The following PTPRCAP variants were observed in gnomAD, a reference collection of about 807,000 sequenced individuals.
The protein encoded by PTPRCAP is protein tyrosine phosphatase receptor type C associated protein, also known as protein tyrosine phosphatase receptor type C-associated protein.
For synonymous variants in PTPRCAP, 136 were observed against 135.8 expected (o/e 1.00, Z -0.01); for missense variants, 294 against 285.5 (o/e 1.03, Z -0.22).
At position 67,436,021 on chromosome 11, in the gene PTPRCAP, C is replaced by T. The variant is rs753383691; in HGVS notation, c.333G>A (p.Gln111=). ...DNDLERQEDE[Q]DTDYDHVADG... ...CCGCGACGTGGTCATAGTCTGTGTC[C>T]TGCTCATCCTCCTGTCGCTCAAGGT... Residue 111 remains glutamine, a synonymous_variant, in exon 2 of 2, where the codon CAG becomes CAA. Coordinates refer to ENST00000326294, the MANE Select transcript of PTPRCAP (RefSeq NM_005608.3). The T allele has an allele frequency of 2.2e-5, 36 of 1,613,590 alleles. 1 individual carries two copies. In the South Asian group the frequency reaches 4.0e-4, roughly 18 times the overall value.
chr11:67,435,740 G>T lies in PTPRCAP; in HGVS notation c.614C>A (p.Ala205Glu), dbSNP rs1242798005. 6.5e-7 allele frequency: 1 copy of T among 1,537,200 alleles called. No individual in the cohort carries two copies. The highest frequency in any genetic ancestry group is 1.2e-5 in the South Asian group (1 of 81,470). Residue 205 changes from alanine (A) to glutamate (E), a missense_variant, in exon 2 of 2, where the codon GCA (alanine) becomes GAA (glutamate). Transcript: ENST00000326294. ...GGACACCAAGACCGGCCTCTACAGT[G>T]CGGTGACATGGAGGCCCTGGCCCCC... is the stretch of plus-strand genomic sequence containing the variant. ...AAGGQGLHVT[A>E]L
intron 1 of PTPRCAP, chr11:67,437,197 G>A (rs1382930056): frequency 1.8e-5 from 3 of 165,094 alleles, no homozygotes; most frequent in Non-Finnish European, 2.6e-5. Context: ...GTGCAGGGCC[G>A]GGGGCTGGGG....
In PTPRCAP at chr11:67,436,304, C is replaced by A. The variant is rs1191851712; in HGVS notation, c.50G>T (p.Gly17Val). 4 of 1,525,000 alleles carry A rather than the reference C, an allele frequency of 2.6e-6. No homozygotes were observed. The highest frequency in any genetic ancestry group is 3.5e-6 in the Non-Finnish European group (4 of 1,139,260). 94.5% of individuals were successfully genotyped at this position (1,525,000 alleles called of 1,614,324 possible). Residue 17 changes from glycine to valine, a missense_variant, in exon 2 of 2, where the codon GGG becomes GTG. By Grantham distance (109) the Gly-to-Val change is moderately radical. Transcript: ENST00000326294. ...LGLGMLLALP[G>V]ALGSGGSAED... Reference sequence around the variant, plus strand: ...CGCGCTGCCACCCGAGCCCAAGGCCCCTGGCAGGGCCAGCAGCATCCCGAG... The same window carrying A: ...CGCGCTGCCACCCGAGCCCAAGGCCACTGGCAGGGCCAGCAGCATCCCGAG...
intron 1 of PTPRCAP, 185 bp from the exon 2 acceptor site, chr11:67,436,535 C>T (rs1434729429): frequency 1.6e-6 from 1 of 628,198 alleles, no homozygotes; most frequent in Non-Finnish European, 2.5e-6. Flanking sequence ...CAGCCCCCAT[C>T]CCTCCAGCCT....
rs1590983922 is a variant in PTPRCAP, at chr11:67,437,530, G to A, written c.3+87C>T. On this transcript the variant is annotated intron_variant, in intron 1 of 1. Coordinates refer to ENST00000326294, the MANE Select transcript of PTPRCAP (RefSeq NM_005608.3). ...ACCTCTTCCCTGGGGCCAATGTGGG[G>A]CCCTCCTTAGCTCCACAGGCCCAGA... The A allele has an allele frequency of 2.3e-6, 3 of 1,295,534 alleles. No homozygotes were observed. In the East Asian group the frequency reaches 8.4e-5, roughly 36 times the overall value. 80.3% of individuals were successfully genotyped at this position (1,295,534 alleles called of 1,614,324 possible).
Position 67,435,659 on chromosome 11 carries a change from A to G in PTPRCAP, c.*74T>C. On this transcript the variant is annotated 3_prime_UTR_variant, in exon 2 of 2. Transcript: ENST00000326294. The stretch of plus-strand genomic sequence containing the variant: ...GTCATGTGGGCTGGGGGTCCAGTCC[A>G]GCCATGGCATCTTGGGAAGCAGAGG... 1 of 1,491,672 alleles carries G rather than the reference A, an allele frequency of 6.7e-7. No homozygotes were observed. Among genetic ancestry groups the G allele is most frequent in the Non-Finnish European group, 8.9e-7 (1 of 1,127,742 alleles). The allele number at this position is 1,491,672 out of a possible 1,614,324, so 92.4% of individuals were successfully genotyped here. A position where few individuals can be genotyped will look rare whatever the true frequency, so the allele number is the denominator to read the frequency against.
At chr11:67,436,647 C>T (rs1174019541) in intron 1 of PTPRCAP, 1 of 335,098 alleles carries the variant, frequency 3.0e-6, no homozygotes, top group Non-Finnish European at 5.4e-6. Context: ...CTCCTCCCAT[C>T]CTCCCCTCCC....
rs1864263121 is a variant in PTPRCAP, at chr11:67,435,968, T to G, written c.386A>C (p.Glu129Ala). 2 of 1,613,646 alleles carry G rather than the reference T, an allele frequency of 1.2e-6. No individual in the cohort carries two copies. The highest frequency in any genetic ancestry group is 1.7e-6 in the Non-Finnish European group (2 of 1,179,912). The change falls in exon 2 of 2, where the codon GAA (glutamate) becomes GCA (alanine). Residue 129 changes from glutamate (E) to alanine (A), a missense_variant. Transcript: ENST00000326294. ...ADGGLQADPG[E>A]GEQQCGEASS... ...CGCCTCTCCACATTGCTGCTCGCCT[T>G]CCCCAGGGTCAGCCTGCAGGCCACC...
chr11:67,435,854 G>A lies in PTPRCAP; in HGVS notation c.500C>T (p.Ala167Val), dbSNP rs755617165. Residue 167 changes from alanine to valine, a missense_variant, in exon 2 of 2, where the codon GCG (alanine) becomes GTG (valine). Physicochemically the swap from Ala to Val is moderately conservative, Grantham distance 64 (BLOSUM62 0). Coordinates refer to ENST00000326294, the MANE Select transcript of PTPRCAP (RefSeq NM_005608.3). The part of the protein sequence containing the change: ...GDLVLGSPGP[A>V]SAGGSAEALL... ...GGCCTCAGCACTGCCCCCTGCGCTCGCTGGTCCTGGGGAGCCGAGGACCAG... is the reference window on the plus strand; with the variant it reads ...GGCCTCAGCACTGCCCCCTGCGCTCACTGGTCCTGGGGAGCCGAGGACCAG... The A allele has an allele frequency of 5.0e-5, 81 of 1,609,774 alleles. No individual in the cohort carries two copies. The highest frequency in any genetic ancestry group is 6.5e-5 in the Non-Finnish European group (77 of 1,179,322).
chr11:67,437,605 TC>T lies in PTPRCAP; in HGVS notation c.3+11del. 7.4e-7 allele frequency: 1 copy of T among 1,358,116 alleles called. No individual in the cohort carries two copies. The highest frequency in any genetic ancestry group is 9.6e-7 in the Non-Finnish European group (1 of 1,046,684). The allele number at this position is 1,358,116 out of a possible 1,614,324, so 84.1% of individuals were successfully genotyped here. A position where few individuals can be genotyped will look rare whatever the true frequency, so the allele number is the denominator to read the frequency against. On this transcript the variant is annotated intron_variant, in intron 1 of 1. Coordinates refer to ENST00000326294, the MANE Select transcript of PTPRCAP (RefSeq NM_005608.3). ...CCCCCATCCCAAGAACCCGGGGGGC[TC>T]CGAGGCTTACCATTGGTCCGCAGGC...
At chr11:67,437,182 C>CA (rs1032890566) in intron 1 of PTPRCAP, 1 of 160,030 alleles carries the variant, frequency 6.2e-6, no homozygotes, top group African/African-American at 2.4e-5. Flanking sequence ...CTGAGGGCCA[C>CA]AGGCGTGCAG....
At position 67,436,407 on chromosome 11, in the gene PTPRCAP, G is replaced by A. The variant is rs909103001; in HGVS notation, c.4-57C>T. The A allele has an allele frequency of 2.8e-6, 4 of 1,419,628 alleles. No individual in the cohort carries two copies. The African/African-American group carries it at 4.4e-5, about 16-fold the overall frequency. 87.9% of individuals were successfully genotyped at this position (1,419,628 alleles called of 1,614,324 possible). On this transcript the variant is annotated intron_variant, in intron 1 of 1. Coordinates refer to ENST00000326294, the MANE Select transcript of PTPRCAP (RefSeq NM_005608.3). ...CAGCACCTGGGGTGGGGCCTGGTGT[G>A]GGGCAGGCTGGGTGACCAAGACCAC...
At chr11:67,436,447 C>T in intron 1 of PTPRCAP, 97 bp from the exon 2 acceptor site, 1 of 1,338,978 alleles carries the variant, frequency 7.5e-7, no homozygotes, top group Non-Finnish European at 9.8e-7. Flanking sequence ...GTTTTTTTCT[C>T]TTTGGGATCC....
rs370854668 is a variant in PTPRCAP at position 67,436,291 on chromosome 11, C to T, written c.63G>A (p.Ser21=). The stretch of plus-strand genomic sequence containing the variant: ...CCACGCTGTCCTCCGCGCTGCCACC[C>T]GAGCCCAAGGCCCCTGGCAGGGCCA... The part of the protein sequence containing the change: ...MLLALPGALG[S]GGSAEDSVGS... The change falls in exon 2 of 2, where the codon TCG becomes TCA. Residue 21 remains serine, a synonymous_variant. Transcript: ENST00000326294. The T allele has an allele frequency of 6.5e-4, 1,003 of 1,532,758 alleles. 2 individuals are homozygous for T. Among genetic ancestry groups the T allele is most frequent in the Middle Eastern group, 5.4e-3 (31 of 5,776 alleles). The allele number at this position is 1,532,758 out of a possible 1,614,324, so 94.9% of individuals were successfully genotyped here. A position where few individuals can be genotyped will look rare whatever the true frequency, so the allele number is the denominator to read the frequency against.
chr11:67,435,584 G>C lies in PTPRCAP; in HGVS notation c.*149C>G, dbSNP rs976555295. ...GGGGGGGGCCGTTCCCGTGGTGAGC[G>C]GGGTACACATGGACTTGGGAACTGG... On this transcript the variant is annotated 3_prime_UTR_variant, in exon 2 of 2. Transcript: ENST00000326294. The C allele has an allele frequency of 4.9e-6, 6 of 1,218,376 alleles. No homozygotes were observed. The highest frequency in any genetic ancestry group is 6.7e-6 in the Non-Finnish European group (6 of 897,776). The allele number at this position is 1,218,376 out of a possible 1,614,324, so 75.5% of individuals were successfully genotyped here. A position where few individuals can be genotyped will look rare whatever the true frequency, so the allele number is the denominator to read the frequency against.
rs373278584 is a variant in PTPRCAP at position 67,436,339 on chromosome 11, G to A, written c.15C>T (p.Cys5=). Residue 5 remains cysteine, a synonymous_variant, in exon 2 of 2, where the codon TGC becomes TGT. Coordinates refer to ENST00000326294, the MANE Select transcript of PTPRCAP (RefSeq NM_005608.3). ...CCAGCAGCATCCCGAGCCCTAAGGTGCAGGGCAGAGCCTGTGGGAGACAGG... is the reference window on the plus strand; with the variant it reads ...CCAGCAGCATCCCGAGCCCTAAGGTACAGGGCAGAGCCTGTGGGAGACAGG... MALP[C]TLGLGMLLAL... 2.9e-3 allele frequency: 4,276 copies of A among 1,476,548 alleles called. 7 individuals carry two copies. The highest frequency in any genetic ancestry group is 3.5e-3 in the Non-Finnish European group (3,853 of 1,114,952). The allele number at this position is 1,476,548 out of a possible 1,614,324, so 91.5% of individuals were successfully genotyped here.
chr11:67,435,777 C>G lies in PTPRCAP; in HGVS notation c.577G>C (p.Ala193Pro). 1.3e-6 allele frequency: 2 copies of G among 1,574,300 alleles called. No homozygotes were observed. Among genetic ancestry groups the G allele is most frequent in the Non-Finnish European group, 1.7e-6 (2 of 1,160,650 alleles). Residue 193 changes from alanine (A) to proline (P), a missense_variant, in exon 2 of 2, where the codon GCC (alanine) becomes CCC (proline). Ala to Pro is a conservative substitution (Grantham distance 27). Transcript: ENST00000326294. ...AGGCCCTGGCCCCCAGCTGCCCTGG[C>G]GCTGTCATCCCAGGCTGCGCTGCCA... is the stretch of plus-strand genomic sequence containing the variant. ...FAGSAAWDDS[A>P]RAAGGQGLHV...
Position 67,435,966 on chromosome 11 carries a change from C to T in PTPRCAP, c.388G>A (p.Gly130Ser). Residue 130 changes from glycine to serine, a missense_variant, in exon 2 of 2, where the codon GGC (glycine) becomes AGC (serine). Physicochemically the swap from Gly to Ser is moderately conservative, Grantham distance 56. Coordinates refer to ENST00000326294, the MANE Select transcript of PTPRCAP (RefSeq NM_005608.3). ...DGGLQADPGE[G>S]EQQCGEASSP... is the part of the protein sequence containing the mutation. ...GACGCCTCTCCACATTGCTGCTCGC[C>T]TTCCCCAGGGTCAGCCTGCAGGCCA... 1 of 1,613,714 alleles carries T rather than the reference C, an allele frequency of 6.2e-7. No homozygotes were observed. Among genetic ancestry groups the T allele is most frequent in the East Asian group, 2.2e-5 (1 of 44,884 alleles).
At position 67,435,566 on chromosome 11, in the gene PTPRCAP, G is replaced by A. The variant is rs973045209; in HGVS notation, c.*167C>T. On this transcript the variant is annotated 3_prime_UTR_variant, in exon 2 of 2. Transcript: ENST00000326294. ...TGCCTGATGCCTGTGGTTGGGGGGG[G>A]CCGTTCCCGTGGTGAGCGGGGTACA... 12 of 1,036,654 alleles carry A rather than the reference G, an allele frequency of 1.2e-5. No individual in the cohort carries two copies. The highest frequency in any genetic ancestry group is 1.6e-5 in the Non-Finnish European group (12 of 745,030). 64.2% of individuals were successfully genotyped at this position (1,036,654 alleles called of 1,614,324 possible).
Sources: allele counts gnomAD v4.1 joint callset, GRCh38; gene constraint gnomAD v4.1.1; transcripts MANE v1.5; gene names NCBI Gene and HGNC (gene_info 2026-07-23, HGNC 2026-07-21).